ANO10: variants seen among roughly 807,000 people sequenced by gnomAD.
ANO10 encodes anoctamin-10.
Under a neutral mutation model 74.7 loss-of-function variants are expected in ANO10, and 77 were observed. That is an observed-to-expected ratio of 1.03 (90% confidence interval 0.86 to 1.25). The LOEUF is 1.25. Among genes scored for constraint, ANO10 ranks in the 50% most tolerant of loss-of-function variants. The pLI is 0.00. For synonymous variants in ANO10, 279 were observed against 284.9 expected (o/e 0.98, Z 0.21); for missense variants, 721 against 778.1 (o/e 0.93, Z 0.87).
chr3:43,636,814 A>T (rs1227790697), intron 1 of ANO10, among the ~76,000 whole-genome samples: 1 of 152,164 alleles, frequency 6.6e-6, no homozygotes, highest in Non-Finnish European at 1.5e-5. Context: ...TTTATTTTTT[A>T]AAATATATTG....
chr3:43,474,659 T>C (rs988069602), intron 11 of ANO10, among the ~76,000 whole-genome samples: 21 of 152,352 alleles, frequency 1.4e-4, no homozygotes, highest in African/African-American at 4.8e-4. Flanking sequence ...TAAATCATCA[T>C]TTAAAAATAT....
chr3:43,628,719 C>G (rs974806884), intron 1 of ANO10, among the ~76,000 whole-genome samples: 2 of 152,204 alleles, frequency 1.3e-5, no homozygotes, highest in Non-Finnish European at 2.9e-5. Flanking sequence ...ATGGCCCCCC[C>G]GGGTGTGGCC....
At chr3:43,431,092 A>C (rs1487939276) in intron 12 of ANO10, among the ~76,000 whole-genome samples, 2 of 139,936 alleles carry the variant, frequency 1.4e-5, no homozygotes, top group African/African-American at 5.6e-5. Flanking sequence ...TTTTTTTTTG[A>C]GACAAGGTCT....
At chr3:43,469,311 G>T (rs189208590) in intron 11 of ANO10, among the ~76,000 whole-genome samples, 1 of 151,548 alleles carries the variant, frequency 6.6e-6, no homozygotes, top group Admixed American at 6.6e-5. Context: ...CTCCCAAACT[G>T]CTGGGATTAC....
chr3:43,670,260 G>A (rs1161111444), intron 1 of ANO10, among the ~76,000 whole-genome samples: 1 of 151,922 alleles, frequency 6.6e-6, no homozygotes, highest in Non-Finnish European at 1.5e-5. Context: ...CGCTCAGGAG[G>A]CTGAGGTGGG....
At chr3:43,450,897 G>T (rs1469097082) in intron 11 of ANO10, among the ~76,000 whole-genome samples, 2 of 152,116 alleles carry the variant, frequency 1.3e-5, no homozygotes, top group East Asian at 3.9e-4. Context: ...ATTCACAGAT[G>T]AATTTCTATA....
rs375194902 is a variant in ANO10 at position 43,503,618 on chromosome 3, C to T, written c.1797+46102G>A. Among the ~76,000 whole-genome samples, 13 of 152,298 alleles carry T rather than the reference C, an allele frequency of 8.5e-5. 1 individual carries two copies. Among genetic ancestry groups the T allele is most frequent in the East Asian group, 7.7e-4 (4 of 5,182 alleles). On this transcript the variant is annotated intron_variant, in intron 11 of 12. Coordinates refer to ENST00000292246, the MANE Select transcript of ANO10 (RefSeq NM_018075.5). ...TTTGACTAATATCGTTCTCTTTGTC[C>T]TATCACCATAACATAAAAAACGAAT...
At chr3:43,659,264 C>A (rs184909631) in intron 1 of ANO10, among the ~76,000 whole-genome samples, 1 of 152,162 alleles carries the variant, frequency 6.6e-6, no homozygotes, top group African/African-American at 2.4e-5. Flanking sequence ...TCACCTCACC[C>A]GAGAAGTGCA....
At chr3:43,435,128 C>T (rs1196741222) in intron 11 of ANO10, among the ~76,000 whole-genome samples, 1 of 152,242 alleles carries the variant, frequency 6.6e-6, no homozygotes, top group Non-Finnish European at 1.5e-5. Context: ...GTCCTGATTG[C>T]TCATTTGCCC....
At position 43,555,365 on chromosome 3, in the gene ANO10, G is replaced by A; in HGVS notation, c.1581C>T (p.Phe527=). 1 of 1,614,160 alleles carries A rather than the reference G, an allele frequency of 6.2e-7. No individual in the cohort carries two copies. Among genetic ancestry groups the A allele is most frequent in the Non-Finnish European group, 8.5e-7 (1 of 1,180,022 alleles). ...LAAAFAVLNN[F]TEVNSDALKM... ...TTAAGGCATCTGAATTTACTTCAGT[G>A]AAGTTATTTAACACAGCAAAGGCAG... The change falls in exon 10 of 13, where the codon TTC becomes TTT. Residue 527 remains phenylalanine, a synonymous_variant. Coordinates refer to ENST00000292246, the MANE Select transcript of ANO10 (RefSeq NM_018075.5).
intron 8 of ANO10, among the ~76,000 whole-genome samples, chr3:43,563,397 T>C (rs943335872): frequency 6.9e-6 from 1 of 144,552 alleles, no homozygotes. Flanking sequence ...ACAGACATTA[T>C]ATAAAAGAGT....
At chr3:43,446,493 A>G (rs937470299) in intron 11 of ANO10, among the ~76,000 whole-genome samples, 3 of 152,232 alleles carry the variant, frequency 2.0e-5, no homozygotes, top group South Asian at 2.1e-4. Flanking sequence ...TTTTTCAAAG[A>G]TAACATTTTC....
At chr3:43,493,799 G>C (rs537813077) in intron 11 of ANO10, among the ~76,000 whole-genome samples, 1 of 152,236 alleles carries the variant, frequency 6.6e-6, no homozygotes, top group Non-Finnish European at 1.5e-5. Flanking sequence ...GCAGTAGCAT[G>C]ATCACAGCTC....
chr3:43,546,905 T>C lies in ANO10; in HGVS notation c.1797+2815A>G, dbSNP rs1428728208. On this transcript the variant is annotated intron_variant, in intron 11 of 12. Transcript: ENST00000292246. ...AAATAACGGCTATAAAGTTCCTTAA[T>C]TTGGTTAAAGACACAAACCCACAGA... Among the ~76,000 whole-genome samples, 4 of 152,110 alleles carry C rather than the reference T, an allele frequency of 2.6e-5. No individual in the cohort carries two copies. In the East Asian group the frequency reaches 7.7e-4, roughly 29 times the overall value.
chr3:43,481,568 C>T (rs1029167348), intron 11 of ANO10, among the ~76,000 whole-genome samples: 1 of 152,102 alleles, frequency 6.6e-6, no homozygotes, highest in African/African-American at 2.4e-5. Context: ...CCCAGCTGAC[C>T]AGCATTAACA....
intron 11 of ANO10, among the ~76,000 whole-genome samples, chr3:43,489,341 T>C (rs1231149887): frequency 6.6e-6 from 1 of 151,852 alleles, no homozygotes; most frequent in East Asian, 1.9e-4. Context: ...AAAATAAAAA[T>C]TAAAAAAAAA....
intron 8 of ANO10, among the ~76,000 whole-genome samples, chr3:43,564,482 T>C (rs2080211364): frequency 6.6e-6 from 1 of 152,198 alleles, no homozygotes; most frequent in South Asian, 2.1e-4. Context: ...TCTTGGGATA[T>C]TTCTTTCCAA....
intron 11 of ANO10, among the ~76,000 whole-genome samples, chr3:43,499,986 C>T (rs2077043685): frequency 6.6e-6 from 1 of 152,036 alleles, no homozygotes; most frequent in East Asian, 1.9e-4. Context: ...TGCATGCCAC[C>T]ACACCTAGCT....
At chr3:43,442,925 T>C (rs1278756169) in intron 11 of ANO10, among the ~76,000 whole-genome samples, 1 of 152,220 alleles carries the variant, frequency 6.6e-6, no homozygotes, top group Admixed American at 6.5e-5. Flanking sequence ...GTTAATTAAC[T>C]CATATGAATT....
Sources: allele counts gnomAD v4.1 joint callset (sites outside exome capture counted in the v4.1 genomes callset), GRCh38; gene constraint gnomAD v4.1.1; transcripts MANE v1.5; gene names NCBI Gene and HGNC (gene_info 2026-07-23, HGNC 2026-07-21).